RAB32: variants seen among roughly 807,000 people sequenced by gnomAD.
RAB32 encodes the protein ras-related protein Rab-32.
In RAB32, 17 loss-of-function variants were observed where a neutral mutation model predicts 17.5. The observed-to-expected ratio is 0.97, with a 90% confidence interval of 0.67 to 1.46. The LOEUF (loss-of-function observed/expected upper bound fraction) is 1.46. Among genes scored for constraint, RAB32 ranks in the 40% most tolerant of loss-of-function variants. RAB32 has a pLI of 0.00. For synonymous variants in RAB32, 115 were observed against 111.1 expected (o/e 1.04, Z -0.22); for missense variants, 288 against 284.3 (o/e 1.01, Z -0.09).
intron 1 of RAB32, among the ~76,000 whole-genome samples, chr6:146,544,419 G>A (rs950486803): frequency 6.6e-6 from 1 of 152,112 alleles, no homozygotes; most frequent in Non-Finnish European, 1.5e-5. Flanking sequence ...AATAATGCAA[G>A]TATATCATAC....
intron 1 of RAB32, among the ~76,000 whole-genome samples, chr6:146,549,165 G>A (rs796601261): frequency 4.6e-5 from 7 of 152,250 alleles, no homozygotes; most frequent in African/African-American, 1.7e-4. Context: ...TAGACTAAGG[G>A]GAGACGAGTC....
At chr6:146,550,711 T>C (rs1239206779) in intron 2 of RAB32, among the ~76,000 whole-genome samples, 1 of 126,664 alleles carries the variant, frequency 7.9e-6, no homozygotes, top group Non-Finnish European at 1.6e-5. Context: ...AAATTATACA[T>C]ATATAAAATG....
intron 2 of RAB32, among the ~76,000 whole-genome samples, chr6:146,552,454 G>C (rs542071994): frequency 6.1e-4 from 92 of 152,044 alleles, no homozygotes; most frequent in African/African-American, 2.1e-3. Context: ...TCTGAGAAAG[G>C]GTTTACAAAT....
Position 146,554,849 on chromosome 6 carries a change from C to A in RAB32, c.*244C>A. The A allele has an allele frequency of 2.8e-6, 1 of 362,932 alleles. No individual in the cohort carries two copies. Among genetic ancestry groups the A allele is most frequent in the Non-Finnish European group, 5.0e-6 (1 of 201,868 alleles). 22.5% of individuals were successfully genotyped at this position (362,932 alleles called of 1,614,324 possible). ...GCCATCATATGGAAGATAATGTTTA[C>A]ATCCTTTTAAACATTTTTATATGAC... On this transcript the variant is annotated 3_prime_UTR_variant, in exon 3 of 3. Coordinates refer to ENST00000367495, the MANE Select transcript of RAB32 (RefSeq NM_006834.5).
chr6:146,548,713 T>A (rs1779855283), intron 1 of RAB32, among the ~76,000 whole-genome samples: 1 of 152,222 alleles, frequency 6.6e-6, no homozygotes, highest in South Asian at 2.1e-4. Context: ...AAGAAGGGTC[T>A]TTCCTATGCC....
intron 2 of RAB32, among the ~76,000 whole-genome samples, chr6:146,553,621 G>A (rs748202879): frequency 6.6e-6 from 1 of 152,070 alleles, no homozygotes; most frequent in Non-Finnish European, 1.5e-5. Context: ...CTGAAATAGG[G>A]CATTGAGATA....
Position 146,543,926 on chromosome 6 carries a change from C to T in RAB32, c.55C>T (p.Pro19Ser). The T allele has an allele frequency of 6.2e-7, 1 of 1,605,472 alleles. No homozygotes were observed. The change falls in exon 1 of 3, where the codon CCC becomes TCC. Residue 19 changes from proline to serine, a missense_variant. Pro to Ser is a moderately conservative substitution (Grantham distance 74, BLOSUM62 -1). Coordinates refer to ENST00000367495, the MANE Select transcript of RAB32 (RefSeq NM_006834.5). ...PGLGAAAAPA[P>S]ETREHLFKVL... is the part of the protein sequence containing the mutation. ...CCTGGGGGCGGCCGCCGCCCCAGCG[C>T]CCGAGACCCGCGAGCACCTCTTCAA...
rs1017437641 is a variant in RAB32 at position 146,543,997 on chromosome 6, C to G, written c.126C>G (p.Ile42Met). Residue 42 changes from isoleucine (I) to methionine (M), a missense_variant, in exon 1 of 3, where the codon ATC becomes ATG. Ile to Met is a conservative substitution (Grantham distance 10). Transcript: ENST00000367495. ...TTGGCGTGGGCAAGACCAGCATCATCAAGCGCTACGTCCACCAGCTCTTCT... is the reference window on the plus strand; with the variant it reads ...TTGGCGTGGGCAAGACCAGCATCATGAAGCGCTACGTCCACCAGCTCTTCT... ...GELGVGKTSI[I>M]KRYVHQLFSQ... The G allele has an allele frequency of 1.2e-6, 2 of 1,613,852 alleles. No homozygotes were observed. The highest frequency in any genetic ancestry group is 1.1e-5 in the South Asian group (1 of 91,084).
chr6:146,548,469 C>G (rs1410059424), intron 1 of RAB32, among the ~76,000 whole-genome samples: 1 of 152,144 alleles, frequency 6.6e-6, no homozygotes, highest in Non-Finnish European at 1.5e-5. Flanking sequence ...GTGTCTTTAT[C>G]ATAGAACAGA....
chr6:146,544,023 C>T lies in RAB32; in HGVS notation c.152C>T (p.Ser51Phe). 1 of 1,613,950 alleles carries T rather than the reference C, an allele frequency of 6.2e-7. No homozygotes were observed. The highest frequency in any genetic ancestry group is 8.5e-7 in the Non-Finnish European group (1 of 1,179,964). The part of the protein sequence containing the change: ...IIKRYVHQLF[S>F]QHYRATIGVD... ...AAGCGCTACGTCCACCAGCTCTTCTCCCAGCACTACCGGGCCACCATCGGG... is the reference window on the plus strand; with the variant it reads ...AAGCGCTACGTCCACCAGCTCTTCTTCCAGCACTACCGGGCCACCATCGGG... The change falls in exon 1 of 3, where the codon TCC becomes TTC. Residue 51 changes from serine to phenylalanine, a missense_variant. Ser to Phe is a radical substitution (Grantham distance 155). Transcript: ENST00000367495.
chr6:146,546,642 A>G (rs2114782170), intron 1 of RAB32, among the ~76,000 whole-genome samples: 1 of 152,256 alleles, frequency 6.6e-6, no homozygotes, highest in African/African-American at 2.4e-5. Context: ...CCCCAGGGCT[A>G]AGCATACTTG....
Position 146,554,911 on chromosome 6 carries a change from CT to C in RAB32, c.*310del, listed in dbSNP as rs1487016957. The C allele has an allele frequency of 4.7e-6, 1 of 214,842 alleles. No individual in the cohort carries two copies. Among genetic ancestry groups the C allele is most frequent in the Non-Finnish European group, 9.2e-6 (1 of 108,368 alleles). The allele number at this position is 214,842 out of a possible 1,614,324, so 13.3% of individuals were successfully genotyped here. A position where few individuals can be genotyped will look rare whatever the true frequency, so the allele number is the denominator to read the frequency against. ...ATTTGGTAAGGCTTCCAAGTTGTAG[CT>C]TTTAGTGTAAGTGCTGGGGTGGTAA... On this transcript the variant is annotated 3_prime_UTR_variant, in exon 3 of 3. Transcript: ENST00000367495.
chr6:146,554,724 A>G lies in RAB32; in HGVS notation c.*119A>G. 1 of 1,109,694 alleles carries G rather than the reference A, an allele frequency of 9.0e-7. No individual in the cohort carries two copies. Among genetic ancestry groups the G allele is most frequent in the East Asian group, 2.5e-5 (1 of 40,550 alleles). 68.7% of individuals were successfully genotyped at this position (1,109,694 alleles called of 1,614,324 possible). On this transcript the variant is annotated 3_prime_UTR_variant, in exon 3 of 3. Transcript: ENST00000367495. Reference sequence around the variant, plus strand: ...ATGTGGCACTTCAAAAGGCAGCACCACTGGGCGCCTGCACTTATTTGAAAA... The same window carrying G: ...ATGTGGCACTTCAAAAGGCAGCACCGCTGGGCGCCTGCACTTATTTGAAAA...
chr6:146,551,510 C>T (rs1204749230), intron 2 of RAB32, among the ~76,000 whole-genome samples: 1 of 151,152 alleles, frequency 6.6e-6, no homozygotes, highest in African/African-American at 2.4e-5. Context: ...CAGGCGTGTT[C>T]TTCTGGACAC....
chr6:146,552,330 T>A (rs890096109), intron 2 of RAB32, among the ~76,000 whole-genome samples: 1 of 152,164 alleles, frequency 6.6e-6, no homozygotes, highest in African/African-American at 2.4e-5. Flanking sequence ...AGATCAATAC[T>A]TGAATTAAAG....
rs769345952 is a variant in RAB32, at chr6:146,554,629, G to T, written c.*24G>T. 23 of 1,600,544 alleles carry T rather than the reference G, an allele frequency of 1.4e-5. No individual in the cohort carries two copies. In the African/African-American group the frequency reaches 2.8e-4, roughly 20 times the overall value. On this transcript the variant is annotated 3_prime_UTR_variant, in exon 3 of 3. Coordinates refer to ENST00000367495, the MANE Select transcript of RAB32 (RefSeq NM_006834.5). ...GATATATGGCTTCTGCTTCTCTTGT[G>T]TGTGCCTCAGCTCTGAAGAAGTTCC...
chr6:146,544,355 C>T (rs763238807), intron 1 of RAB32, among the ~76,000 whole-genome samples: 1 of 152,118 alleles, frequency 6.6e-6, no homozygotes, highest in Non-Finnish European at 1.5e-5. Flanking sequence ...AGAGCTCGCT[C>T]TCCTGAAGGG....
At position 146,554,604 on chromosome 6, in the gene RAB32, G is replaced by C. The variant is rs369834934; in HGVS notation, c.677G>C (p.Ter226SerextTer47). Reference protein sequence around the residue: ...LRAENKSQCC* With the variant: ...LRAENKSQCCS ...GCAGAGAACAAATCCCAGTGTTGCT[G>C]ATATATGGCTTCTGCTTCTCTTGTG... Residue 226 changes from the stop codon to serine, a stop_lost, in exon 3 of 3, where the codon TGA (stop) becomes TCA (serine). Coordinates refer to ENST00000367495, the MANE Select transcript of RAB32 (RefSeq NM_006834.5). The C allele has an allele frequency of 1.2e-6, 2 of 1,609,338 alleles. No homozygotes were observed. The highest frequency in any genetic ancestry group is 2.7e-5 in the African/African-American group (2 of 74,576).
At chr6:146,544,270 G>T in intron 1 of RAB32, 149 bp downstream of exon 1, 1 of 1,131,926 alleles carries the variant, frequency 8.8e-7, no homozygotes, top group Non-Finnish European at 1.2e-6. Context: ...GAGATGCGAT[G>T]GACGCGGTCG....
Sources: allele counts gnomAD v4.1 joint callset (sites outside exome capture counted in the v4.1 genomes callset), GRCh38; gene constraint gnomAD v4.1.1; transcripts MANE v1.5; gene names NCBI Gene and HGNC (gene_info 2026-07-23, HGNC 2026-07-21).